Variants in LRP1B observed in about 807,000 individuals in gnomAD.
LRP1B encodes low-density lipoprotein receptor-related protein 1B.
LRP1B carries 217 observed loss-of-function variants against 556.6 expected under a neutral mutation model. The ratio of observed to expected loss-of-function variants is 0.39; its 90% CI spans 0.35 to 0.44. The LOEUF (loss-of-function observed/expected upper bound fraction) is 0.44. LRP1B is among the 20% of genes least tolerant of loss of function. The probability of loss-of-function intolerance (pLI) is 1.00; values close to 1 mark genes in which losing one functional copy is unlikely to be tolerated. For missense variants in LRP1B, 5,053 were observed against 5,620.8 expected, an observed-to-expected ratio of 0.90 and a Z score of 3.23; for synonymous variants, 2,047 against 1,865.8, an observed-to-expected ratio of 1.10 and a Z score of -2.50.
intron 63 of LRP1B, among the ~76,000 whole-genome samples, chr2:140,445,873 G>A (rs1686636801): frequency 6.6e-6 from 1 of 152,014 alleles, no homozygotes; most frequent in African/African-American, 2.4e-5. Flanking sequence ...TGATTTTAAT[G>A]CATATTACTG....
intron 43 of LRP1B, among the ~76,000 whole-genome samples, chr2:140,548,264 A>G (rs1411062028): frequency 6.6e-6 from 1 of 152,128 alleles, no homozygotes; most frequent in African/African-American, 2.4e-5. Context: ...ATAAGGTTTA[A>G]CTCCAAATTA....
intron 82 of LRP1B, among the ~76,000 whole-genome samples, chr2:140,317,223 G>GTGTC (rs1305450802): frequency 6.6e-6 from 1 of 152,112 alleles, no homozygotes; most frequent in South Asian, 2.1e-4. Flanking sequence ...AGGTAATGTG[G>GTGTC]TGTCTTGGAA....
rs149476040 is a variant in LRP1B, at chr2:141,526,464, A to G, written c.206-45931T>C. 2.0e-4 allele frequency among the ~76,000 whole-genome samples: 30 copies of G among 151,872 alleles called. No individual in the cohort carries two copies. The East Asian group carries it at 5.4e-3, about 27-fold the overall frequency. On this transcript the variant is annotated intron_variant, in intron 2 of 90. Transcript: ENST00000389484. ...TGTCAGTGAAGCAACATTAATATTAATTACTCTTTGATTCCACGTTGAAAA... is the reference window on the plus strand; with the variant it reads ...TGTCAGTGAAGCAACATTAATATTAGTTACTCTTTGATTCCACGTTGAAAA...
chr2:140,730,516 T>G (rs1482890449), intron 35 of LRP1B, among the ~76,000 whole-genome samples: 1 of 152,146 alleles, frequency 6.6e-6, no homozygotes. Flanking sequence ...TAAACAGTTA[T>G]AATACTTTCT....
At chr2:140,879,082 GA>G (rs1272419694) in intron 25 of LRP1B, among the ~76,000 whole-genome samples, 4 of 152,170 alleles carry the variant, frequency 2.6e-5, no homozygotes, top group Admixed American at 2.6e-4. Flanking sequence ...AGTATTTGTG[GA>G]TAAGCCACCA....
intron 86 of LRP1B, among the ~76,000 whole-genome samples, chr2:140,250,148 TTTTTG>T (rs913825275): frequency 6.6e-5 from 10 of 151,862 alleles, no homozygotes; most frequent in African/African-American, 2.4e-4. Flanking sequence ...TCTTTTCTTG[TTTTTG>T]TTTTGTTTTG....
At chr2:141,927,694 C>T (rs968784877) in intron 1 of LRP1B, among the ~76,000 whole-genome samples, 6 of 151,978 alleles carry the variant, frequency 3.9e-5, no homozygotes, top group Admixed American at 3.9e-4. Context: ...CTGACTAATA[C>T]ATATGGCAGC....
At chr2:140,657,249 G>A (rs539196017) in intron 41 of LRP1B, among the ~76,000 whole-genome samples, 2 of 151,946 alleles carry the variant, frequency 1.3e-5, no homozygotes, top group East Asian at 1.9e-4. Context: ...AAAGGAAACT[G>A]TACTTCATAA....
chr2:141,404,215 G>T (rs1690545323), intron 3 of LRP1B, among the ~76,000 whole-genome samples: 2 of 152,172 alleles, frequency 1.3e-5, no homozygotes, highest in African/African-American at 4.8e-5. Context: ...GTAGGCCTAT[G>T]TCTAGTTTTC....
chr2:142,019,051 T>C (rs1194823862), intron 1 of LRP1B, among the ~76,000 whole-genome samples: 4 of 152,322 alleles, frequency 2.6e-5, no homozygotes, highest in Non-Finnish European at 1.5e-5. Flanking sequence ...GGCTCTAAAG[T>C]GAGATTAATT....
At chr2:141,294,397 C>A (rs1435534997) in intron 3 of LRP1B, among the ~76,000 whole-genome samples, 1 of 148,410 alleles carries the variant, frequency 6.7e-6, no homozygotes, top group African/African-American at 2.5e-5. Context: ...TAGAACTTAT[C>A]ATGAAATATC....
At chr2:140,241,961 T>TA (rs35482045) in intron 87 of LRP1B, among the ~76,000 whole-genome samples, 18 of 150,474 alleles carry the variant, frequency 1.2e-4, no homozygotes, top group African/African-American at 1.7e-4. Context: ...AAGTTTCTCA[T>TA]AAAAAAAATA....
intron 18 of LRP1B, among the ~76,000 whole-genome samples, 169 bp from the exon 19 acceptor site, chr2:140,952,109 C>G (rs1695734231): frequency 6.6e-6 from 1 of 152,138 alleles, no homozygotes; most frequent in African/African-American, 2.4e-5. Context: ...GGACATAGGA[C>G]ACACATACTT....
At chr2:142,126,013 T>C (rs980864461) in intron 1 of LRP1B, among the ~76,000 whole-genome samples, 31 of 151,900 alleles carry the variant, frequency 2.0e-4, no homozygotes, top group African/African-American at 7.2e-4. Context: ...TGGCTGAGCA[T>C]ATATTCTGAT....
intron 1 of LRP1B, among the ~76,000 whole-genome samples, chr2:142,126,852 T>C (rs11903026): frequency 0.055 from 8,326 of 151,916 alleles, 762 homozygotes; most frequent in African/African-American, 0.19. Context: ...CCAAGTCCTG[T>C]TCAGTTCAGG....
chr2:140,994,920 A>G (rs577682541), intron 15 of LRP1B, among the ~76,000 whole-genome samples: 1 of 152,136 alleles, frequency 6.6e-6, no homozygotes, highest in African/African-American at 2.4e-5. Flanking sequence ...GAAAATTTTC[A>G]ATTTTTCTGG....
At chr2:140,895,509 C>T (rs200074069) in intron 23 of LRP1B, among the ~76,000 whole-genome samples, 7 of 135,530 alleles carry the variant, frequency 5.2e-5, no homozygotes, top group Non-Finnish European at 8.3e-5. Context: ...GTCACCTCAC[C>T]GGCAGGAGCA....
chr2:141,905,046 G>T (rs1009270540), intron 1 of LRP1B, among the ~76,000 whole-genome samples: 11 of 151,746 alleles, frequency 7.2e-5, no homozygotes, highest in African/African-American at 2.4e-4. Flanking sequence ...TTAAAAATAC[G>T]GCTAATTCGG....
rs79403477 is a variant in LRP1B at position 140,669,073 on chromosome 2, C to T, written c.6799+31177G>A. 4.1e-3 allele frequency among the ~76,000 whole-genome samples: 619 copies of T among 152,226 alleles called. 5 individuals are homozygous for T. The highest frequency in any genetic ancestry group is 0.014 in the African/African-American group (576 of 41,540). On this transcript the variant is annotated intron_variant, in intron 41 of 90. Transcript: ENST00000389484. ...AGTCTGAAATAGGAATGTTATTTCA[C>T]TGTATCGTTGAGAGAAGAGAACTGG...
Sources: gnomAD v4.1 joint callset for allele counts (sites outside exome capture counted in the v4.1 genomes callset) on GRCh38, gnomAD v4.1.1 for gene constraint, MANE v1.5 for transcripts, NCBI Gene and HGNC (gene_info 2026-07-23, HGNC 2026-07-21) for gene names.